The following MARCHF1 variants were observed in gnomAD, a reference collection of about 807,000 sequenced individuals.
MARCHF1 encodes E3 ubiquitin-protein ligase MARCHF1.
MARCHF1 carries 40 observed loss-of-function variants against 54.2 expected under a neutral mutation model. The ratio of observed to expected loss-of-function variants is 0.74; its 90% confidence interval spans 0.57 to 0.96. The LOEUF (loss-of-function observed/expected upper bound fraction) is 0.96, where lower values mean the gene tolerates loss of function less well. Among genes scored for constraint, MARCHF1 ranks in the 40% least tolerant of loss-of-function variants. The pLI is 0.00. For synonymous variants in MARCHF1, 236 were observed against 236.3 expected, an observed-to-expected ratio of 1.00 and a Z score of 0.01; for missense variants, 586 against 656.5, an observed-to-expected ratio of 0.89 and a Z score of 1.17.
intron 1 of MARCHF1, among the ~76,000 whole-genome samples, chr4:164,345,427 C>CTT (rs1561010987): frequency 7.2e-5 from 11 of 151,864 alleles, no homozygotes; most frequent in Non-Finnish European, 1.2e-4. Flanking sequence ...CAAAAATTAC[C>CTT]TGGGTGTAGT....
rs190108532 is a variant in MARCHF1, at chr4:163,900,311, T to C, written c.-38-46142A>G. ...AGGGAGAACTGGCAAGCAGACATCG[T>C]TATGTTCCTACCCACAGAGTATAGG... On this transcript the variant is annotated intron_variant, in intron 3 of 9. Coordinates refer to ENST00000514618, the MANE Select transcript of MARCHF1 (RefSeq NM_001394959.1). Among the ~76,000 whole-genome samples, 3 of 151,930 alleles carry C rather than the reference T, an allele frequency of 2.0e-5. No individual in the cohort carries two copies. In the East Asian group the frequency reaches 5.8e-4, roughly 29 times the overall value.
chr4:163,535,588 C>T (rs1046898862), intron 9 of MARCHF1, among the ~76,000 whole-genome samples: 1 of 152,048 alleles, frequency 6.6e-6, no homozygotes, highest in African/African-American at 2.4e-5. Context: ...TGTGATGATT[C>T]TAATAGTCCC....
Position 164,255,025 on chromosome 4 carries a change from G to A in MARCHF1, c.-323+128845C>T, listed in dbSNP as rs868355101. Reference sequence around the variant, plus strand: ...CTCCCAAAGTGGTGGGATTACAGGCGTGAGCCCCCACGCCCAGCCATGAAT... The same window carrying A: ...CTCCCAAAGTGGTGGGATTACAGGCATGAGCCCCCACGCCCAGCCATGAAT... On this transcript the variant is annotated intron_variant, in intron 1 of 9. Transcript: ENST00000514618. Among the ~76,000 whole-genome samples, 13 of 152,292 alleles carry A rather than the reference G, an allele frequency of 8.5e-5. No homozygotes were observed. The Middle Eastern group carries it at 0.024, about 279-fold the overall frequency.
chr4:163,637,777 T>G (rs1742394351), intron 5 of MARCHF1, among the ~76,000 whole-genome samples: 1 of 151,948 alleles, frequency 6.6e-6, no homozygotes, highest in Non-Finnish European at 1.5e-5. Flanking sequence ...CATGCTGCTA[T>G]AAAGACACAT....
At chr4:164,153,692 T>C (rs969271855) in intron 1 of MARCHF1, among the ~76,000 whole-genome samples, 4 of 152,034 alleles carry the variant, frequency 2.6e-5, no homozygotes, top group Admixed American at 6.6e-5. Context: ...CAACCAAAAC[T>C]AAAAATTGAA....
intron 3 of MARCHF1, among the ~76,000 whole-genome samples, chr4:163,918,993 T>C (rs1193049093): frequency 6.6e-6 from 1 of 152,118 alleles, no homozygotes; most frequent in Non-Finnish European, 1.5e-5. Flanking sequence ...CTTTTGGTTT[T>C]CTCCTATGCT....
intron 7 of MARCHF1, among the ~76,000 whole-genome samples, chr4:163,600,808 C>T (rs562357660): frequency 4.7e-4 from 72 of 152,214 alleles, no homozygotes; most frequent in Admixed American, 7.9e-4. Context: ...TTTTGATTAG[C>T]ACTTGTTGGG....
intron 2 of MARCHF1, among the ~76,000 whole-genome samples, chr4:164,107,137 C>T (rs1579540575): frequency 6.6e-6 from 1 of 152,226 alleles, no homozygotes; most frequent in Non-Finnish European, 1.5e-5. Flanking sequence ...TGCTATAACT[C>T]TCTCCAACAC....
chr4:163,604,785 G>T (rs994347027), intron 7 of MARCHF1, among the ~76,000 whole-genome samples: 29 of 151,938 alleles, frequency 1.9e-4, no homozygotes, highest in Non-Finnish European at 3.7e-4. Flanking sequence ...CTCATCTCTG[G>T]TCTGGGTGTT....
intron 5 of MARCHF1, among the ~76,000 whole-genome samples, chr4:163,620,721 T>C (rs1428532630): frequency 6.6e-6 from 1 of 152,016 alleles, no homozygotes; most frequent in African/African-American, 2.4e-5. Context: ...GTATACAGTG[T>C]CATCTTGTTA....
At chr4:164,194,213 ATAATTT>A (rs1460526753) in intron 1 of MARCHF1, among the ~76,000 whole-genome samples, 8 of 152,334 alleles carry the variant, frequency 5.3e-5, no homozygotes, top group Non-Finnish European at 8.8e-5. Context: ...AAAAAGAAAC[ATAATTT>A]TAATTTTAAT....
At chr4:163,719,995 A>G (rs866440464) in intron 4 of MARCHF1, among the ~76,000 whole-genome samples, 14 of 151,940 alleles carry the variant, frequency 9.2e-5, no homozygotes, top group African/African-American at 2.7e-4. Flanking sequence ...CACTCTGATG[A>G]TAGTTTCTTT....
At chr4:164,187,441 G>A (rs1730999616) in intron 1 of MARCHF1, among the ~76,000 whole-genome samples, 1 of 152,262 alleles carries the variant, frequency 6.6e-6, no homozygotes, top group Non-Finnish European at 1.5e-5. Flanking sequence ...CTCAGTTGTG[G>A]CACAGACCCG....
chr4:163,787,046 G>C (rs533314629), intron 4 of MARCHF1, among the ~76,000 whole-genome samples: 1 of 151,836 alleles, frequency 6.6e-6, no homozygotes, highest in South Asian at 2.1e-4. Flanking sequence ...AGTGAAGTTG[G>C]ACACTTACCT....
rs180865599 is a variant in MARCHF1 at position 164,005,320 on chromosome 4, C to G, written c.-247-16611G>C. On this transcript the variant is annotated intron_variant, in intron 2 of 9. Coordinates refer to ENST00000514618, the MANE Select transcript of MARCHF1 (RefSeq NM_001394959.1). ...AAATTAATAATTTAAAACTTTCCAACAGATAGGACAACAGACTTCCAGTTT... is the reference window on the plus strand; with the variant it reads ...AAATTAATAATTTAAAACTTTCCAAGAGATAGGACAACAGACTTCCAGTTT... Among the ~76,000 whole-genome samples the G allele has an allele frequency of 4.5e-4, 68 of 152,188 alleles. 1 individual carries two copies. Among genetic ancestry groups the G allele is most frequent in the African/African-American group, 1.5e-3 (64 of 41,510 alleles).
chr4:164,184,272 T>G (rs977790652), intron 1 of MARCHF1, among the ~76,000 whole-genome samples: 1 of 152,180 alleles, frequency 6.6e-6, no homozygotes, highest in Non-Finnish European at 1.5e-5. Flanking sequence ...CCATTGATTA[T>G]AGGTACAAAT....
At chr4:164,379,004 C>T (rs1731282588) in intron 1 of MARCHF1, among the ~76,000 whole-genome samples, 1 of 152,156 alleles carries the variant, frequency 6.6e-6, no homozygotes, top group Admixed American at 6.5e-5. Context: ...TGAGCCACTG[C>T]ACCTGGCTGA....
At chr4:164,226,057 A>G (rs1472103809) in intron 1 of MARCHF1, among the ~76,000 whole-genome samples, 1 of 152,050 alleles carries the variant, frequency 6.6e-6, no homozygotes, top group East Asian at 1.9e-4. Context: ...CGCCTTCACC[A>G]TTTATGATCT....
At chr4:163,739,574 C>T (rs972773179) in intron 4 of MARCHF1, among the ~76,000 whole-genome samples, 16 of 152,268 alleles carry the variant, frequency 1.1e-4, no homozygotes, top group East Asian at 7.7e-4. Flanking sequence ...ATACCCTCCT[C>T]TTACAAGTTT....
Sources: allele counts gnomAD v4.1 joint callset (sites outside exome capture counted in the v4.1 genomes callset), GRCh38; gene constraint gnomAD v4.1.1; transcripts MANE v1.5; gene names NCBI Gene and HGNC (gene_info 2026-07-23, HGNC 2026-07-21).